FAM120C: variants seen among roughly 807,000 people sequenced by gnomAD.
The protein encoded by FAM120C is family with sequence similarity 120 member C, also known as constitutive coactivator of PPAR-gamma-like protein 2.
Under a neutral mutation model 71.2 loss-of-function variants are expected in FAM120C, and 14 were observed. The ratio of observed to expected loss-of-function variants is 0.20; its 90% CI spans 0.13 to 0.31. The LOEUF is 0.31. FAM120C is among the 10% of genes least tolerant of loss of function. FAM120C has a pLI of 1.00. For missense variants in FAM120C, 500 were observed against 879.0 expected, an observed-to-expected ratio of 0.57 and a Z score of 5.45; for synonymous variants, 354 against 353.2, an observed-to-expected ratio of 1.00 and a Z score of -0.03.
intron 9 of FAM120C, among the ~76,000 whole-genome samples, chrX:54,128,075 C>T (rs1202478239): frequency 1.8e-5 from 2 of 111,360 alleles, no homozygotes; most frequent in African/African-American, 6.5e-5. Flanking sequence ...TGCATCCTTG[C>T]CAACATCTGT....
intron 7 of FAM120C, 144 bp from the exon 8 acceptor site, chrX:54,134,190 C>T (rs1217052766): frequency 2.2e-5 from 12 of 548,909 alleles, no homozygotes; most frequent in Non-Finnish European, 3.4e-5. Flanking sequence ...TGGTACCTTT[C>T]CTCTCAATGG....
chrX:54,112,286 G>A (rs964162846), intron 10 of FAM120C, among the ~76,000 whole-genome samples: 36 of 110,728 alleles, frequency 3.3e-4, no homozygotes, highest in African/African-American at 1.2e-3. Context: ...GAAGGGTAGT[G>A]CACACCTGTA....
chrX:54,083,433 CCACACACACACACACACACACA>C (rs781964795), intron 13 of FAM120C, among the ~76,000 whole-genome samples: 5 of 78,934 alleles, frequency 6.3e-5, no homozygotes, highest in East Asian at 9.0e-4. Flanking sequence ...GACCCCATCT[CCACACACACACACACACACACA>C]CACACACACA....
At chrX:54,131,502 G>C (rs1396864564) in intron 9 of FAM120C, among the ~76,000 whole-genome samples, 1 of 106,846 alleles carries the variant, frequency 9.4e-6, no homozygotes, top group African/African-American at 3.4e-5. Flanking sequence ...GCAATGGCAC[G>C]ATCTCGGCTC....
chrX:54,133,306 C>T (rs1481508464), intron 8 of FAM120C, among the ~76,000 whole-genome samples: 1 of 111,231 alleles, frequency 9.0e-6, no homozygotes, highest in Non-Finnish European at 1.9e-5. Context: ...GGCAACAGAG[C>T]GAGACTCTGT....
intron 9 of FAM120C, among the ~76,000 whole-genome samples, chrX:54,131,360 C>T (rs2067064927): frequency 9.0e-6 from 1 of 111,067 alleles, no homozygotes; most frequent in Non-Finnish European, 1.9e-5. Context: ...CCTCAACCTC[C>T]CAGGGTCAAG....
chrX:54,158,805 G>T (rs1299721387), intron 2 of FAM120C, among the ~76,000 whole-genome samples: 1 of 111,502 alleles, frequency 9.0e-6, no homozygotes, highest in Admixed American at 9.6e-5. Context: ...CAGATTGATG[G>T]ATGGGTAAAG....
intron 10 of FAM120C, among the ~76,000 whole-genome samples, chrX:54,105,211 C>T (rs188278676): frequency 1.1e-4 from 12 of 111,729 alleles, no homozygotes; most frequent in African/African-American, 1.6e-4. Flanking sequence ...TTGTCCACCA[C>T]GATCAAGTCG....
At chrX:54,125,794 C>T (rs1159462137) in intron 9 of FAM120C, among the ~76,000 whole-genome samples, 1 of 112,767 alleles carries the variant, frequency 8.9e-6, no homozygotes, top group Non-Finnish European at 1.9e-5. Flanking sequence ...AATTGCATCA[C>T]ACCTGTGTTA....
At chrX:54,165,963 GA>G (rs1363183651) in intron 1 of FAM120C, among the ~76,000 whole-genome samples, 1 of 107,469 alleles carries the variant, frequency 9.3e-6, no homozygotes, top group Non-Finnish European at 1.9e-5. Context: ...TGATGAATAA[GA>G]AAAAAAAATC....
At chrX:54,139,356 T>TATTTATTC (rs1279173894) in intron 4 of FAM120C, among the ~76,000 whole-genome samples, 1 of 108,003 alleles carries the variant, frequency 9.3e-6, no homozygotes, top group African/African-American at 3.3e-5. Context: ...TTTATTTATT[T>TATTTATTC]ATTTATTTGA....
At chrX:54,092,524 G>A (rs1603352842) in intron 10 of FAM120C, among the ~76,000 whole-genome samples, 1 of 110,429 alleles carries the variant, frequency 9.1e-6, no homozygotes, top group African/African-American at 3.3e-5. Context: ...TAGCCTGGGC[G>A]ACAGAGTGGT....
intron 1 of FAM120C, among the ~76,000 whole-genome samples, chrX:54,166,202 A>T (rs2067258662): frequency 8.9e-6 from 1 of 112,198 alleles, no homozygotes; most frequent in East Asian, 2.8e-4. Flanking sequence ...TTAAAATAAT[A>T]CTGAAACATG....
chrX:54,107,102 G>GTTT (rs1237567855), intron 10 of FAM120C, among the ~76,000 whole-genome samples: 1 of 102,254 alleles, frequency 9.8e-6, no homozygotes, highest in Non-Finnish European at 2.0e-5. Context: ...GTTTGTTTTG[G>GTTT]TTTTTTTTTT....
rs988290571 is a variant in FAM120C, at chrX:54,141,556, G to A, written c.1159-4966C>T. ...AGACTGAATGCTTTCTCTAAAGATCGGGAACAAGATAAGAATATATATTCT... is the reference window on the plus strand; with the variant it reads ...AGACTGAATGCTTTCTCTAAAGATCAGGAACAAGATAAGAATATATATTCT... On this transcript the variant is annotated intron_variant, in intron 4 of 15. Transcript: ENST00000375180. Among the ~76,000 whole-genome samples the A allele has an allele frequency of 2.7e-5, 3 of 110,114 alleles. No individual in the cohort carries two copies. The East Asian group carries it at 8.6e-4, about 31-fold the overall frequency.
intron 1 of FAM120C, among the ~76,000 whole-genome samples, chrX:54,176,696 T>C (rs1379851952): frequency 8.9e-6 from 1 of 111,808 alleles, no homozygotes; most frequent in Non-Finnish European, 1.9e-5. Context: ...ACATATAACA[T>C]TGTATAGCAC....
At chrX:54,146,941 C>T (rs991290116) in intron 4 of FAM120C, among the ~76,000 whole-genome samples, 6 of 109,122 alleles carry the variant, frequency 5.5e-5, no homozygotes, top group African/African-American at 1.9e-4. Flanking sequence ...ATGAAAAACA[C>T]AACCTCTCAT....
At chrX:54,101,658 C>G (rs1225131506) in intron 10 of FAM120C, among the ~76,000 whole-genome samples, 2 of 112,095 alleles carry the variant, frequency 1.8e-5, no homozygotes, top group Non-Finnish European at 3.8e-5. Flanking sequence ...ATTCATCATT[C>G]TTAAGTTTGG....
chrX:54,081,716 G>A (rs1407508453), intron 13 of FAM120C, among the ~76,000 whole-genome samples: 1 of 105,471 alleles, frequency 9.5e-6, no homozygotes, highest in Non-Finnish European at 1.9e-5. Context: ...GGAGGTTGCA[G>A]TGAGCTGAGA....
Sources: allele counts gnomAD v4.1 joint callset (sites outside exome capture counted in the v4.1 genomes callset), GRCh38; gene constraint gnomAD v4.1.1; transcripts MANE v1.5; gene names NCBI Gene and HGNC (gene_info 2026-07-23, HGNC 2026-07-21).